The following VAC14 variants were observed in gnomAD, a reference collection of about 807,000 sequenced individuals.
VAC14 encodes the protein protein VAC14 homolog.
In VAC14, 47 loss-of-function variants were observed where a neutral mutation model predicts 85.3. The ratio of observed to expected loss-of-function variants is 0.55; its 90% CI spans 0.44 to 0.70. The LOEUF is 0.70. VAC14 is among the 30% of genes least tolerant of loss of function. VAC14 has a pLI of 0.00. For missense variants in VAC14, 861 were observed against 1,004.3 expected (o/e 0.86, Z 1.93); for synonymous variants, 447 against 430.5 (o/e 1.04, Z -0.47).
At chr16:70,715,555 C>G (rs2054147079) in intron 14 of VAC14, 1 of 152,376 alleles carries the variant, frequency 6.6e-6, no homozygotes, top group African/African-American at 2.4e-5. Flanking sequence ...TCTGATCTAC[C>G]CTTGCAGGGA....
At chr16:70,787,625 A>G (rs1256478328) in intron 1 of VAC14, among the ~76,000 whole-genome samples, 11 of 152,208 alleles carry the variant, frequency 7.2e-5, no homozygotes, top group Non-Finnish European at 1.6e-4. Context: ...AGTGCCCCAG[A>G]TCACTGATGG....
chr16:70,704,669 C>A (rs2053889055), intron 14 of VAC14, among the ~76,000 whole-genome samples: 1 of 152,140 alleles, frequency 6.6e-6, no homozygotes, highest in African/African-American at 2.4e-5. Flanking sequence ...CCTTTTAGGA[C>A]AGACTCATCG....
At chr16:70,785,955 C>G in intron 2 of VAC14, 86 bp from the exon 3 acceptor site, 2 of 1,456,462 alleles carry the variant, frequency 1.4e-6, no homozygotes, top group Non-Finnish European at 9.2e-7. Context: ...CATCCCAGCT[C>G]CCTTGAAGGT....
intron 14 of VAC14, among the ~76,000 whole-genome samples, chr16:70,720,700 C>A (rs772806003): frequency 2.6e-5 from 4 of 152,190 alleles, no homozygotes; most frequent in African/African-American, 9.7e-5. Flanking sequence ...GATGGTGAAA[C>A]GGAGACACAA....
chr16:70,716,300 G>A (rs2054165305), intron 14 of VAC14: 1 of 152,270 alleles, frequency 6.6e-6, no homozygotes. Flanking sequence ...CACATCCCAG[G>A]CACTCAGGAA....
rs980776383 is a variant in VAC14, at chr16:70,695,688, C to T, written c.1956-65G>A. On this transcript the variant is annotated intron_variant, in intron 16 of 18. Coordinates refer to ENST00000261776, the MANE Select transcript of VAC14 (RefSeq NM_018052.5). Reference sequence around the variant, plus strand: ...CACAGCCGCAGCTCACAGCACCACACGCCCTCCCCCCCTGCACCTGGCTTC... The same window carrying T: ...CACAGCCGCAGCTCACAGCACCACATGCCCTCCCCCCCTGCACCTGGCTTC... The T allele has an allele frequency of 3.8e-5, 57 of 1,497,526 alleles. 1 individual carries two copies. Among genetic ancestry groups the T allele is most frequent in the Non-Finnish European group, 4.4e-5 (47 of 1,079,938 alleles). 92.8% of individuals were successfully genotyped at this position (1,497,526 alleles called of 1,614,324 possible).
intron 12 of VAC14, among the ~76,000 whole-genome samples, chr16:70,749,195 C>T (rs74422912): frequency 0.065 from 9,940 of 152,290 alleles, 410 homozygotes; most frequent in East Asian, 0.15. Flanking sequence ...TTCCCTGGCC[C>T]AGGCTTAGTG....
intron 12 of VAC14, among the ~76,000 whole-genome samples, chr16:70,751,687 C>T (rs535954686): frequency 3.3e-5 from 5 of 152,342 alleles, no homozygotes; most frequent in East Asian, 3.9e-4. Context: ...CCTAGGAAGC[C>T]GGGCTGCTGT....
intron 16 of VAC14, 142 bp from the exon 17 acceptor site, chr16:70,695,765 C>T (rs997023553): frequency 1.4e-6 from 1 of 702,744 alleles, no homozygotes; most frequent in African/African-American, 1.8e-5. Context: ...ACAAAGGACA[C>T]CAGGCTCTTC....
chr16:70,767,373 A>G (rs1274405047), intron 10 of VAC14, among the ~76,000 whole-genome samples: 5 of 152,250 alleles, frequency 3.3e-5, no homozygotes, highest in Non-Finnish European at 7.3e-5. Context: ...ATTGCTTCTG[A>G]AATTGAACTT....
intron 1 of VAC14, among the ~76,000 whole-genome samples, chr16:70,800,032 C>G (rs1196517420): frequency 6.6e-6 from 1 of 152,192 alleles, no homozygotes; most frequent in Admixed American, 6.5e-5. Flanking sequence ...AGTTTCACAG[C>G]CTGCTTCTTT....
intron 18 of VAC14, chr16:70,691,621 C>T (rs1019214297): frequency 7.1e-6 from 7 of 985,344 alleles, no homozygotes; most frequent in South Asian, 9.4e-5. Context: ...GGGTGGCAAC[C>T]GGCTCAAGGC....
In VAC14 at chr16:70,800,138, T is replaced by A. The variant is rs532897222; in HGVS notation, c.104+659A>T. On this transcript the variant is annotated intron_variant, in intron 1 of 18. Coordinates refer to ENST00000261776, the MANE Select transcript of VAC14 (RefSeq NM_018052.5). ...TAAAATAATACTGCAGAAAAAAAAA[T>A]AAATAAAACATCCCCAGTTAAACTT... is the stretch of plus-strand genomic sequence containing the variant. 7.2e-4 allele frequency among the ~76,000 whole-genome samples: 109 copies of A among 151,854 alleles called. 1 individual carries two copies. Among genetic ancestry groups the A allele is most frequent in the African/African-American group, 2.5e-3 (103 of 41,438 alleles).
chr16:70,694,872 G>A (rs367805812), intron 17 of VAC14, among the ~76,000 whole-genome samples: 5 of 152,218 alleles, frequency 3.3e-5, no homozygotes, highest in African/African-American at 9.6e-5. Context: ...GGGCCAACAG[G>A]AGCACCTGCA....
intron 7 of VAC14, among the ~76,000 whole-genome samples, chr16:70,782,243 A>C (rs1296570004): frequency 2.0e-5 from 3 of 152,204 alleles, no homozygotes; most frequent in African/African-American, 7.2e-5. Flanking sequence ...GCCCCTCTGC[A>C]CTGGGACTCT....
chr16:70,751,966 C>T (rs547207079), intron 12 of VAC14, among the ~76,000 whole-genome samples: 1 of 152,368 alleles, frequency 6.6e-6, no homozygotes, highest in East Asian at 1.9e-4. Context: ...TAAAAGAACG[C>T]TTAGCTTTGG....
intron 10 of VAC14, chr16:70,768,861 C>T (rs772441291): frequency 5.1e-5 from 23 of 452,212 alleles, no homozygotes; most frequent in South Asian, 1.9e-4. Flanking sequence ...AGTGCAGTGG[C>T]GCGATCTCGG....
intron 18 of VAC14, chr16:70,688,656 T>G: frequency 1.0e-6 from 1 of 985,592 alleles, no homozygotes; most frequent in Non-Finnish European, 1.2e-6. Flanking sequence ...CCACTGGACA[T>G]GCCTACAGCT....
chr16:70,700,287 C>T (rs1238983686), intron 14 of VAC14: 1 of 152,254 alleles, frequency 6.6e-6, no homozygotes, highest in Non-Finnish European at 1.5e-5. Context: ...GGCAAGAAAC[C>T]ACGAGAAACA....
Sources: gnomAD v4.1 joint callset for allele counts (sites outside exome capture counted in the v4.1 genomes callset) on GRCh38, gnomAD v4.1.1 for gene constraint, MANE v1.5 for transcripts, NCBI Gene and HGNC (gene_info 2026-07-23, HGNC 2026-07-21) for gene names.